PCCA: variants seen among roughly 807,000 people sequenced by gnomAD.
The protein encoded by PCCA is propionyl-CoA carboxylase alpha chain, mitochondrial.
Under a neutral mutation model 101.3 loss-of-function variants are expected in PCCA, and 74 were observed. The observed-to-expected ratio is 0.73, with a 90% CI of 0.61 to 0.89. The LOEUF is 0.89. Ranked by LOEUF, PCCA falls within the 40% of genes least tolerant of loss-of-function variation. The pLI, the probability that PCCA is intolerant of heterozygous loss-of-function variation, is 0.00. For missense variants in PCCA, 891 were observed against 907.0 expected, an observed-to-expected ratio of 0.98 and a Z score of 0.23; for synonymous variants, 294 against 313.6, an observed-to-expected ratio of 0.94 and a Z score of 0.66.
intron 20 of PCCA, among the ~76,000 whole-genome samples, chr13:100,438,891 A>G (rs1309784241): frequency 6.6e-6 from 1 of 152,196 alleles, no homozygotes; most frequent in Non-Finnish European, 1.5e-5. Context: ...AAAATTACTA[A>G]TGTGATACCA....
chr13:100,470,558 A>G (rs1293979496), intron 21 of PCCA, among the ~76,000 whole-genome samples: 4 of 152,190 alleles, frequency 2.6e-5, no homozygotes, highest in African/African-American at 7.2e-5. Context: ...CCAGGGACAT[A>G]ATTGAATCTG....
chr13:100,416,714 G>A (rs960476213), intron 19 of PCCA, among the ~76,000 whole-genome samples: 1 of 150,652 alleles, frequency 6.6e-6, no homozygotes, highest in Non-Finnish European at 1.5e-5. Flanking sequence ...TAGTAGAGAC[G>A]GGGTTTCACC....
intron 16 of PCCA, among the ~76,000 whole-genome samples, chr13:100,310,543 G>A (rs185758855): frequency 1.3e-5 from 2 of 152,232 alleles, no homozygotes; most frequent in East Asian, 3.9e-4. Flanking sequence ...ATAGGGGCAT[G>A]GCATCTGGGC....
At position 100,392,893 on chromosome 13, in the gene PCCA, GAGTGACTCACCCAGGGA is replaced by G. The variant is rs1485444879; in HGVS notation, c.1746+24339_1746+24355del. ...AACAGCAAGAGGGGATGAGAAGGTT[GAGTGACTCACCCAGGGA>G]AGTGACTCACCCAGGGAAGGTCAAG... On this transcript the variant is annotated intron_variant, in intron 19 of 23. Transcript: ENST00000376285. Among the ~76,000 whole-genome samples, 11 of 151,858 alleles carry G rather than the reference GAGTGACTCACCCAGGGA, an allele frequency of 7.2e-5. No individual in the cohort carries two copies. The East Asian group carries it at 2.1e-3, about 29-fold the overall frequency.
chr13:100,257,824 A>G (rs555676637), intron 9 of PCCA, 151 bp downstream of exon 9: 217 of 674,398 alleles, frequency 3.2e-4, no homozygotes, highest in South Asian at 1.9e-3. Context: ...GATTGAAATT[A>G]TGTGGAAACC....
At chr13:100,450,192 G>C (rs911917222) in intron 21 of PCCA, among the ~76,000 whole-genome samples, 2 of 152,084 alleles carry the variant, frequency 1.3e-5, no homozygotes, top group Admixed American at 1.3e-4. Context: ...AGACCAGCCT[G>C]ACCAACATGG....
intron 4 of PCCA, among the ~76,000 whole-genome samples, chr13:100,114,972 G>T (rs1192896650): frequency 6.6e-6 from 1 of 152,166 alleles, no homozygotes; most frequent in Non-Finnish European, 1.5e-5. Flanking sequence ...GGAGATATCT[G>T]CACTCCCATG....
intron 22 of PCCA, among the ~76,000 whole-genome samples, chr13:100,524,668 TTG>T (rs2087599650): frequency 1.3e-5 from 2 of 152,238 alleles, no homozygotes; most frequent in South Asian, 4.1e-4. Context: ...GGTCAGGAGT[TTG>T]AGACCAGCCT....
chr13:100,150,980 G>T (rs915224478), intron 4 of PCCA: 30 of 1,516,594 alleles, frequency 2.0e-5, no homozygotes, highest in East Asian at 1.1e-4. Flanking sequence ...GGGGCGGAGA[G>T]CCCTGTGGAG....
At chr13:100,374,391 A>C (rs561434646) in intron 19 of PCCA, among the ~76,000 whole-genome samples, 1 of 152,118 alleles carries the variant, frequency 6.6e-6, no homozygotes, top group Non-Finnish European at 1.5e-5. Flanking sequence ...TTTTTATTAT[A>C]ATTATTTTCA....
At chr13:100,364,173 G>A (rs1352605576) in intron 18 of PCCA, among the ~76,000 whole-genome samples, 1 of 152,116 alleles carries the variant, frequency 6.6e-6, no homozygotes, top group African/African-American at 2.4e-5. Flanking sequence ...TAAATTTTTG[G>A]TCAGATGACA....
chr13:100,270,012 G>A (rs1485157657), intron 11 of PCCA, among the ~76,000 whole-genome samples: 1 of 152,182 alleles, frequency 6.6e-6, no homozygotes, highest in Non-Finnish European at 1.5e-5. Context: ...CAGGCCTTGG[G>A]AAACTGCCAG....
At chr13:100,259,069 C>T (rs181277299) in intron 9 of PCCA, among the ~76,000 whole-genome samples, 4 of 152,246 alleles carry the variant, frequency 2.6e-5, no homozygotes, top group African/African-American at 4.8e-5. Context: ...AGCCACTAAC[C>T]GTGAACACCA....
intron 21 of PCCA, among the ~76,000 whole-genome samples, chr13:100,474,747 C>T (rs1475985968): frequency 6.6e-6 from 1 of 151,920 alleles, no homozygotes; most frequent in Non-Finnish European, 1.5e-5. Flanking sequence ...CCTTGGCCTC[C>T]CAAAGTGCTA....
At chr13:100,426,046 A>G (rs1311795453) in intron 20 of PCCA, among the ~76,000 whole-genome samples, 1 of 151,888 alleles carries the variant, frequency 6.6e-6, no homozygotes, top group Non-Finnish European at 1.5e-5. Flanking sequence ...TTTTAGTTGT[A>G]AAATACAACT....
At chr13:100,270,128 C>T (rs1235183946) in intron 11 of PCCA, among the ~76,000 whole-genome samples, 1 of 152,152 alleles carries the variant, frequency 6.6e-6, no homozygotes, top group African/African-American at 2.4e-5. Flanking sequence ...TCTCAAGGCC[C>T]AGGAACAGGA....
intron 4 of PCCA, among the ~76,000 whole-genome samples, chr13:100,142,598 C>T (rs938266086): frequency 1.3e-5 from 2 of 151,866 alleles, no homozygotes; most frequent in South Asian, 2.1e-4. Flanking sequence ...CTCAGCCTCC[C>T]GAGTAGTTAG....
chr13:100,175,102 T>G (rs2056113033), intron 6 of PCCA, among the ~76,000 whole-genome samples: 1 of 152,184 alleles, frequency 6.6e-6, no homozygotes. Flanking sequence ...AGTCAGATAT[T>G]TTGTTATTTT....
At chr13:100,253,154 G>T (rs72658545) in intron 8 of PCCA, among the ~76,000 whole-genome samples, 5,746 of 152,150 alleles carry the variant, frequency 0.038, 150 homozygotes, top group Non-Finnish European at 0.06. Flanking sequence ...AGACATACAT[G>T]CACTTATTTA....
Sources: allele counts gnomAD v4.1 joint callset (sites outside exome capture counted in the v4.1 genomes callset), GRCh38; gene constraint gnomAD v4.1.1; transcripts MANE v1.5; gene names NCBI Gene and HGNC (gene_info 2026-07-23, HGNC 2026-07-21).